Variants in RYR3 observed in about 807,000 individuals in gnomAD.
RYR3 encodes the protein ryanodine receptor 3, also known as brain ryanodine receptor-calcium release channel.
In RYR3, 207 loss-of-function variants were observed where a neutral mutation model predicts 584.3. The observed-to-expected ratio is 0.35, with a 90% CI of 0.32 to 0.40. The LOEUF (loss-of-function observed/expected upper bound fraction) is 0.40. Among genes scored for constraint, RYR3 ranks in the 10% least tolerant of loss-of-function variants. RYR3 has a pLI of 1.00. For synonymous variants in RYR3, 2,416 were observed against 2,248.5 expected (o/e 1.07, Z -2.11); for missense variants, 5,616 against 6,089.2 (o/e 0.92, Z 2.59).
intron 51 of RYR3, among the ~76,000 whole-genome samples, chr15:33,742,058 G>T (rs748037741): frequency 6.6e-6 from 1 of 152,076 alleles, no homozygotes; most frequent in Non-Finnish European, 1.5e-5. Context: ...TTGGATTCTC[G>T]CTGTCTAACC....
chr15:33,756,980 G>C (rs1447947511), intron 59 of RYR3, among the ~76,000 whole-genome samples: 2 of 152,148 alleles, frequency 1.3e-5, no homozygotes, highest in Non-Finnish European at 2.9e-5. Context: ...TCTCTATCCA[G>C]CTAAAACACA....
intron 41 of RYR3, 142 bp from the exon 42 acceptor site, chr15:33,700,835 G>C (rs939269405): frequency 1.8e-6 from 1 of 567,736 alleles, no homozygotes; most frequent in African/African-American, 1.9e-5. Flanking sequence ...CAAGCGGACT[G>C]TCCCATTGGA....
At chr15:33,394,448 T>C (rs2042182077) in intron 1 of RYR3, among the ~76,000 whole-genome samples, 1 of 152,214 alleles carries the variant, frequency 6.6e-6, no homozygotes, top group East Asian at 1.9e-4. Flanking sequence ...CAACTTTCCA[T>C]GTGGTTTAGA....
Position 33,689,411 on chromosome 15 carries a change from C to CTA in RYR3, c.5861-6797_5861-6796dup, listed in dbSNP as rs145939219. On this transcript the variant is annotated intron_variant, in intron 38 of 103. Coordinates refer to ENST00000634891, the MANE Select transcript of RYR3 (RefSeq NM_001036.6). ...AATTGTCAGCATTCTCCCATGGATA[C>CTA]TATATATATATGTACACACACATGC... Among the ~76,000 whole-genome samples, 1,271 of 151,992 alleles carry CTA rather than the reference C, an allele frequency of 8.4e-3. 16 individuals carry two copies. The highest frequency in any genetic ancestry group is 0.029 in the African/African-American group (1,209 of 41,460).
intron 48 of RYR3, among the ~76,000 whole-genome samples, chr15:33,734,282 A>G (rs1324047023): frequency 2.0e-5 from 3 of 152,216 alleles, no homozygotes; most frequent in Admixed American, 2.0e-4. Context: ...ATCTTTCAAG[A>G]GAGACAAATT....
intron 16 of RYR3, among the ~76,000 whole-genome samples, chr15:33,597,618 C>CAAA (rs3085330): frequency 0.36 from 46,378 of 127,844 alleles, 8,220 homozygotes; most frequent in East Asian, 0.73. Context: ...GACTCTGTCT[C>CAAA]AAAAAAAAAA....
At chr15:33,558,512 G>A (rs1018771936) in intron 10 of RYR3, among the ~76,000 whole-genome samples, 1 of 152,068 alleles carries the variant, frequency 6.6e-6, no homozygotes, top group Non-Finnish European at 1.5e-5. Flanking sequence ...GGACATTTGG[G>A]TTGGTTCCAA....
chr15:33,520,786 G>C (rs2053922461), intron 3 of RYR3, among the ~76,000 whole-genome samples: 2 of 152,202 alleles, frequency 1.3e-5, no homozygotes, highest in African/African-American at 4.8e-5. Context: ...GAAAAGCACA[G>C]ATGTATACAG....
intron 7 of RYR3, among the ~76,000 whole-genome samples, chr15:33,542,565 GC>G (rs1351294616): frequency 6.6e-6 from 1 of 152,080 alleles, no homozygotes; most frequent in Non-Finnish European, 1.5e-5. Context: ...AGAAAAACTT[GC>G]CTTGTCTAGG....
chr15:33,338,289 A>T (rs1971392960), intron 1 of RYR3, among the ~76,000 whole-genome samples: 1 of 152,064 alleles, frequency 6.6e-6, no homozygotes, highest in African/African-American at 2.4e-5. Flanking sequence ...AGACAGGTCT[A>T]TGGCTTTCCT....
At chr15:33,728,685 T>A (rs1056576708) in intron 46 of RYR3, among the ~76,000 whole-genome samples, 172 bp from the exon 47 acceptor site, 2 of 152,220 alleles carry the variant, frequency 1.3e-5, no homozygotes, top group Admixed American at 1.3e-4. Context: ...AAGTTTCAGA[T>A]CTTGGTGCAT....
At chr15:33,392,597 A>C (rs979243304) in intron 1 of RYR3, among the ~76,000 whole-genome samples, 1 of 152,048 alleles carries the variant, frequency 6.6e-6, no homozygotes, top group Middle Eastern at 3.2e-3. Context: ...TTTTAGTTGA[A>C]GGCTACTCCC....
chr15:33,845,631 C>A (rs1476252694), intron 93 of RYR3, among the ~76,000 whole-genome samples: 1 of 152,176 alleles, frequency 6.6e-6, no homozygotes, highest in Non-Finnish European at 1.5e-5. Context: ...TTTGAGAAGC[C>A]TTGAGCTAGG....
intron 74 of RYR3, 138 bp downstream of exon 74, chr15:33,813,717 T>A (rs999237961): frequency 4.3e-6 from 3 of 695,136 alleles, no homozygotes; most frequent in Middle Eastern, 3.9e-4. Flanking sequence ...GCAGTCTGCA[T>A]AGTATAAGGG....
chr15:33,575,783 A>G (rs1344588851), intron 12 of RYR3, among the ~76,000 whole-genome samples: 1 of 152,052 alleles, frequency 6.6e-6, no homozygotes, highest in Non-Finnish European at 1.5e-5. Context: ...ACTAAAGGAG[A>G]TAGAGACACA....
At chr15:33,411,778 C>A (rs1015480513) in intron 1 of RYR3, among the ~76,000 whole-genome samples, 1 of 152,122 alleles carries the variant, frequency 6.6e-6, no homozygotes, top group Non-Finnish European at 1.5e-5. Context: ...CTGTGCTGGT[C>A]TCCTCCCTCT....
At chr15:33,657,533 C>T (rs761840836) in intron 32 of RYR3, among the ~76,000 whole-genome samples, 4 of 152,296 alleles carry the variant, frequency 2.6e-5, no homozygotes, top group South Asian at 2.1e-4. Context: ...AGCCCAGGGA[C>T]GACTCCTGCC....
chr15:33,523,601 G>A (rs778707222), intron 3 of RYR3, among the ~76,000 whole-genome samples: 1 of 152,074 alleles, frequency 6.6e-6, no homozygotes, highest in Non-Finnish European at 1.5e-5. Flanking sequence ...AGGATCTTTG[G>A]AGTTTGGCCA....
At chr15:33,538,033 G>A (rs1158879150) in intron 5 of RYR3, among the ~76,000 whole-genome samples, 1 of 149,948 alleles carries the variant, frequency 6.7e-6, no homozygotes, top group African/African-American at 2.5e-5. Flanking sequence ...TCTTTTCCTT[G>A]GAAGGGATCC....
Sources: allele counts gnomAD v4.1 joint callset (sites outside exome capture counted in the v4.1 genomes callset), GRCh38; gene constraint gnomAD v4.1.1; transcripts MANE v1.5; gene names NCBI Gene and HGNC (gene_info 2026-07-23, HGNC 2026-07-21).